Variants in KCNIP4 observed in about 807,000 individuals in gnomAD.
The protein encoded by KCNIP4 is Kv channel-interacting protein 4.
In KCNIP4, 12 loss-of-function variants were observed where a neutral mutation model predicts 34.0. The ratio of observed to expected loss-of-function variants is 0.35; its 90% CI spans 0.23 to 0.57. The LOEUF is 0.57. KCNIP4 is among the 20% of genes least tolerant of loss of function. The pLI is 0.83. For missense variants in KCNIP4, 238 were observed against 311.7 expected, an observed-to-expected ratio of 0.76 and a Z score of 1.78; for synonymous variants, 124 against 102.2, an observed-to-expected ratio of 1.21 and a Z score of -1.29.
chr4:21,219,212 T>G (rs563383064), intron 1 of KCNIP4, among the ~76,000 whole-genome samples: 1 of 152,170 alleles, frequency 6.6e-6, no homozygotes, highest in East Asian at 1.9e-4. Context: ...CTCTGAAACT[T>G]AGCTGTGTGA....
chr4:20,894,015 G>A (rs1382010888), intron 1 of KCNIP4, among the ~76,000 whole-genome samples: 1 of 151,962 alleles, frequency 6.6e-6, no homozygotes, highest in Non-Finnish European at 1.5e-5. Flanking sequence ...GGAGTAGCTG[G>A]GATTACAGGT....
At chr4:20,757,265 A>G (rs1193245441) in intron 4 of KCNIP4, among the ~76,000 whole-genome samples, 1 of 151,990 alleles carries the variant, frequency 6.6e-6, no homozygotes, top group African/African-American at 2.4e-5. Flanking sequence ...ATTTTCTCCT[A>G]TGCATATACT....
intron 1 of KCNIP4, among the ~76,000 whole-genome samples, chr4:21,684,727 G>T (rs1750679069): frequency 6.6e-6 from 1 of 152,094 alleles, no homozygotes; most frequent in Non-Finnish European, 1.5e-5. Context: ...GTGCAGGTTT[G>T]TTACATATGT....
At chr4:21,860,505 C>CT (rs1176686392) in intron 1 of KCNIP4, among the ~76,000 whole-genome samples, 1 of 149,488 alleles carries the variant, frequency 6.7e-6, no homozygotes. Context: ...AATGTTATGA[C>CT]TTTTTTCCCA....
chr4:20,835,924 A>G (rs1718983905), intron 3 of KCNIP4, among the ~76,000 whole-genome samples: 1 of 152,214 alleles, frequency 6.6e-6, no homozygotes, highest in South Asian at 2.1e-4. Flanking sequence ...TATTTATAAA[A>G]TATAGATTAA....
At chr4:21,754,211 C>G (rs1365838378) in intron 1 of KCNIP4, among the ~76,000 whole-genome samples, 1 of 152,132 alleles carries the variant, frequency 6.6e-6, no homozygotes, top group African/African-American at 2.4e-5. Context: ...TCAACTGTCA[C>G]TTTACAATGG....
chr4:20,863,273 G>T (rs1421720592), intron 2 of KCNIP4, among the ~76,000 whole-genome samples: 3 of 152,024 alleles, frequency 2.0e-5, no homozygotes, highest in Non-Finnish European at 4.4e-5. Flanking sequence ...GGAACCATAG[G>T]GGGCTCATAG....
At chr4:21,295,976 A>G (rs1001853591) in intron 1 of KCNIP4, among the ~76,000 whole-genome samples, 5 of 152,094 alleles carry the variant, frequency 3.3e-5, no homozygotes, top group Non-Finnish European at 7.4e-5. Context: ...TTTGATTCTT[A>G]TTTTTGTAGC....
chr4:21,948,620 C>T lies in KCNIP4; in HGVS notation c.12G>A (p.Arg4=), dbSNP rs1219298297. The T allele has an allele frequency of 1.9e-6, 3 of 1,613,556 alleles. No individual in the cohort carries two copies. The highest frequency in any genetic ancestry group is 1.7e-4 in the Middle Eastern group (1 of 6,058). ...GCTGAGCCGAAATGCTTTCCACCCTCCTCACATTCATGTCTAGGGACGCAG... is the reference window on the plus strand; with the variant it reads ...GCTGAGCCGAAATGCTTTCCACCCTTCTCACATTCATGTCTAGGGACGCAG... MNV[R]RVESISAQLE... is the part of the protein sequence containing the mutation. Residue 4 remains arginine (R), a synonymous_variant, in exon 1 of 9, where the codon AGG becomes AGA. Coordinates refer to ENST00000382152, the MANE Select transcript of KCNIP4 (RefSeq NM_025221.6).
chr4:20,874,567 C>T (rs899961121), intron 2 of KCNIP4, among the ~76,000 whole-genome samples: 2 of 151,974 alleles, frequency 1.3e-5, no homozygotes, highest in African/African-American at 4.8e-5. Context: ...TATACTAAAA[C>T]CTGTGAATGA....
intron 1 of KCNIP4, among the ~76,000 whole-genome samples, chr4:21,136,701 A>T (rs1047781988): frequency 9.9e-5 from 15 of 152,136 alleles, no homozygotes; most frequent in African/African-American, 3.4e-4. Flanking sequence ...AAGCAAACTC[A>T]TCAAGTTCCA....
rs905743122 is a variant in KCNIP4 at position 21,158,797 on chromosome 4, A to C, written c.62-276088T>G. Among the ~76,000 whole-genome samples, 7 of 152,132 alleles carry C rather than the reference A, an allele frequency of 4.6e-5. No individual in the cohort carries two copies. The South Asian group carries it at 8.3e-4, about 18-fold the overall frequency. ...CAGATTCTAGCCAGTGCAACAACAA[A>C]AAAAAGAAATACAGTATTGAGCATG... On this transcript the variant is annotated intron_variant, in intron 1 of 8. Transcript: ENST00000382152.
At chr4:20,851,780 T>A (rs1418725944) in intron 2 of KCNIP4, among the ~76,000 whole-genome samples, 2 of 152,192 alleles carry the variant, frequency 1.3e-5, no homozygotes, top group Non-Finnish European at 2.9e-5. Context: ...CAACCACTAG[T>A]TATAAACAAT....
chr4:21,824,236 GA>G (rs929584335), intron 1 of KCNIP4, among the ~76,000 whole-genome samples: 8 of 152,098 alleles, frequency 5.3e-5, no homozygotes, highest in Admixed American at 1.3e-4. Flanking sequence ...ATTTTGAAAC[GA>G]AGATCATAAT....
chr4:20,970,323 TG>T (rs1734807871), intron 1 of KCNIP4, among the ~76,000 whole-genome samples: 1 of 152,208 alleles, frequency 6.6e-6, no homozygotes, highest in Non-Finnish European at 1.5e-5. Flanking sequence ...CCTCAATGAT[TG>T]TTTATTACCT....
chr4:21,114,054 C>G (rs1047407576), intron 1 of KCNIP4, among the ~76,000 whole-genome samples: 2 of 152,166 alleles, frequency 1.3e-5, no homozygotes, highest in Non-Finnish European at 2.9e-5. Flanking sequence ...CTATCCGTAG[C>G]CTGTTTCCTA....
rs527585924 is a variant in KCNIP4, at chr4:20,768,840, A to G, written c.289-9950T>C. The stretch of plus-strand genomic sequence containing the variant: ...AATAGGCACTGCAGATTAAAAAAAG[A>G]AACAGCCAATGGTGGGAAAAGGCTG... On this transcript the variant is annotated intron_variant, in intron 3 of 8. Transcript: ENST00000382152. 2.6e-5 allele frequency among the ~76,000 whole-genome samples: 4 copies of G among 152,292 alleles called. No homozygotes were observed. In the East Asian group the frequency reaches 5.8e-4, roughly 22 times the overall value.
chr4:20,945,135 A>G (rs919208023), intron 1 of KCNIP4, among the ~76,000 whole-genome samples: 1 of 152,180 alleles, frequency 6.6e-6, no homozygotes, highest in Admixed American at 6.5e-5. Context: ...CAGCTTGGAC[A>G]TCCTTTGGGA....
chr4:21,371,724 AG>A (rs1720470254), intron 1 of KCNIP4, among the ~76,000 whole-genome samples: 1 of 147,272 alleles, frequency 6.8e-6, no homozygotes, highest in Admixed American at 6.6e-5. Flanking sequence ...TGTACTAGAA[AG>A]AAACATGATT....
Sources: allele counts gnomAD v4.1 joint callset (sites outside exome capture counted in the v4.1 genomes callset), GRCh38; gene constraint gnomAD v4.1.1; transcripts MANE v1.5; gene names NCBI Gene and HGNC (gene_info 2026-07-23, HGNC 2026-07-21).